Variants in SH3BGR observed in about 807,000 individuals in gnomAD.
SH3BGR encodes the protein SH3 domain binding glutamate rich protein.
Under a neutral mutation model 24.5 loss-of-function variants are expected in SH3BGR, and 29 were observed. The ratio of observed to expected loss-of-function variants is 1.18; its 90% CI spans 0.88 to 1.61. The LOEUF is 1.61. Ranked by LOEUF, SH3BGR falls within the 40% of genes most tolerant of loss-of-function variation. The pLI, the probability that SH3BGR is intolerant of heterozygous loss-of-function variation, is 0.00. For missense variants in SH3BGR, 162 were observed against 205.8 expected (o/e 0.79, Z 1.30); for synonymous variants, 55 against 65.7 (o/e 0.84, Z 0.79).
At chr21:39,479,859 G>A (rs142190133) in intron 3 of SH3BGR, among the ~76,000 whole-genome samples, 16 of 122,786 alleles carry the variant, frequency 1.3e-4, no homozygotes, top group Middle Eastern at 4.4e-3. Flanking sequence ...TTGAATTTCC[G>A]TAGACATTTT....
intron 2 of SH3BGR, among the ~76,000 whole-genome samples, chr21:39,468,613 AT>A (rs1394042343): frequency 6.6e-6 from 1 of 152,046 alleles, no homozygotes; most frequent in Admixed American, 6.6e-5. Flanking sequence ...TAAATTTTGT[AT>A]TTTTTGTAGA....
At position 39,510,453 on chromosome 21, in the gene SH3BGR, CACTGTAGCTACACACACACACACACA is replaced by C. The variant is rs1569178155; in HGVS notation, c.436-1226_436-1201del. ...CTACACACACACACACACACACACACACTGTAGCTACACACACACACACACACCCCATCAATTTCTGGTGAATACTC... is the reference window on the plus strand; with the variant it reads ...CTACACACACACACACACACACACACCCCCATCAATTTCTGGTGAATACTC... On this transcript the variant is annotated intron_variant, in intron 5 of 6. Coordinates refer to ENST00000333634, the MANE Select transcript of SH3BGR (RefSeq NM_007341.3). Among the ~76,000 whole-genome samples the C allele has an allele frequency of 2.4e-4, 25 of 103,666 alleles. 3 individuals carry two copies. Among genetic ancestry groups the C allele is most frequent in the African/African-American group, 9.7e-4 (25 of 25,822 alleles). 68.0% of individuals were successfully genotyped at this position (103,666 alleles called of 152,430 possible).
chr21:39,464,199 C>T (rs2077801854), intron 2 of SH3BGR, among the ~76,000 whole-genome samples: 1 of 152,144 alleles, frequency 6.6e-6, no homozygotes, highest in Non-Finnish European at 1.5e-5. Context: ...ATTACAACTA[C>T]AAAGATCCTA....
chr21:39,452,175 C>G (rs1555909748), intron 1 of SH3BGR, 34 bp downstream of exon 1: 4 of 1,613,406 alleles, frequency 2.5e-6, no homozygotes, highest in Non-Finnish European at 3.4e-6. Context: ...TTCCTATACT[C>G]TTTTCTGAAT....
chr21:39,495,258 A>G (rs1338870591), intron 3 of SH3BGR, among the ~76,000 whole-genome samples: 1 of 151,958 alleles, frequency 6.6e-6, no homozygotes, highest in African/African-American at 2.4e-5. Flanking sequence ...TATGTTAAGT[A>G]TTTTGGATGG....
chr21:39,502,431 G>A (rs1321140346), intron 4 of SH3BGR, among the ~76,000 whole-genome samples: 2 of 152,236 alleles, frequency 1.3e-5, no homozygotes, highest in Admixed American at 6.5e-5. Flanking sequence ...GCTCCTCTTG[G>A]CTTGCTGTGG....
intron 3 of SH3BGR, among the ~76,000 whole-genome samples, chr21:39,479,749 A>G (rs1159621384): frequency 6.6e-6 from 1 of 152,106 alleles, no homozygotes; most frequent in Admixed American, 6.6e-5. Context: ...GGGAAACTAA[A>G]TCTACTTCTT....
intron 3 of SH3BGR, among the ~76,000 whole-genome samples, chr21:39,476,308 G>A (rs2078027136): frequency 6.6e-6 from 1 of 152,162 alleles, no homozygotes; most frequent in African/African-American, 2.4e-5. Flanking sequence ...GATTGAGTCA[G>A]GTGAGGCCAT....
intron 2 of SH3BGR, among the ~76,000 whole-genome samples, chr21:39,471,114 T>C (rs1052614166): frequency 6.6e-6 from 1 of 152,180 alleles, no homozygotes; most frequent in Non-Finnish European, 1.5e-5. Context: ...CCATTCTGTC[T>C]CCTTTTCTTC....
chr21:39,511,692 G>A lies in SH3BGR; in HGVS notation c.448G>A (p.Ala150Thr). ...ETATEETEEIAMEGAEGEAEE... is the reference protein window; with the variant it reads ...ETATEETEEITMEGAEGEAEE... ...TTGTTAAAATAAGACGGAAGAAATA[G>A]CCATGGAGGGTGCGGAAGGGGAAGC... The change falls in exon 6 of 7, where the codon GCC (alanine) becomes ACC (threonine). Residue 150 changes from alanine (A) to threonine (T), a missense_variant. Physicochemically the swap from Ala to Thr is moderately conservative, Grantham distance 58. Coordinates refer to ENST00000333634, the MANE Select transcript of SH3BGR (RefSeq NM_007341.3). The surrounding 1 kb of genome is among the most constrained non-coding windows in gnomAD (Gnocchi z 4.2). 6.2e-7 allele frequency: 1 copy of A among 1,612,180 alleles called. No individual in the cohort carries two copies. The highest frequency in any genetic ancestry group is 8.5e-7 in the Non-Finnish European group (1 of 1,179,344).
At chr21:39,472,349 T>C (rs919394420) in intron 2 of SH3BGR, among the ~76,000 whole-genome samples, 2 of 152,148 alleles carry the variant, frequency 1.3e-5, no homozygotes, top group African/African-American at 4.8e-5. Flanking sequence ...CTCAAGCCTT[T>C]TTATAAATGT....
At chr21:39,454,533 AC>A (rs2077624372) in intron 1 of SH3BGR, among the ~76,000 whole-genome samples, 1 of 151,972 alleles carries the variant, frequency 6.6e-6, no homozygotes, top group African/African-American at 2.4e-5. Context: ...TTCTTCTAGG[AC>A]CCTCCTCTCT....
chr21:39,494,222 GTCTTCTTCC>G (rs1192109384), intron 3 of SH3BGR, among the ~76,000 whole-genome samples: 19 of 80,494 alleles, frequency 2.4e-4, no homozygotes, highest in East Asian at 1.2e-3. Flanking sequence ...CCATTGAACA[GTCTTCTTCC>G]TCTTCTTCTT....
At chr21:39,460,881 G>A (rs1179100714) in intron 1 of SH3BGR, among the ~76,000 whole-genome samples, 1 of 151,990 alleles carries the variant, frequency 6.6e-6, no homozygotes, top group Non-Finnish European at 1.5e-5. Context: ...TCGAACTCCT[G>A]GGCTCAAGCA....
At position 39,468,372 on chromosome 21, in the gene SH3BGR, A is replaced by T. The variant is rs563612769; in HGVS notation, c.231+5812A>T. Among the ~76,000 whole-genome samples the T allele has an allele frequency of 3.0e-4, 46 of 152,336 alleles. No individual in the cohort carries two copies. The Middle Eastern group carries it at 0.017, about 56-fold the overall frequency. ...CTATCCAGTTTAAGAAGGACAGTAT[A>T]CTATTACCAGAAATGTGGAAGCCCT... On this transcript the variant is annotated intron_variant, in intron 2 of 6. Coordinates refer to ENST00000333634, the MANE Select transcript of SH3BGR (RefSeq NM_007341.3).
chr21:39,475,280 G>A lies in SH3BGR; in HGVS notation c.312+65G>A, dbSNP rs144648200. ...ATACTAAATGAAGGTAGAAATCACCGCATCCAAGACTGTTTAATACATGAT... is the reference window on the plus strand; with the variant it reads ...ATACTAAATGAAGGTAGAAATCACCACATCCAAGACTGTTTAATACATGAT... On this transcript the variant is annotated intron_variant, in intron 3 of 6. Transcript: ENST00000333634. 6.6e-4 allele frequency: 642 copies of A among 971,894 alleles called. 4 individuals are homozygous for A. The highest frequency in any genetic ancestry group is 6.2e-3 in the African/African-American group (389 of 62,444). 60.2% of individuals were successfully genotyped at this position (971,894 alleles called of 1,614,324 possible). A position where few individuals can be genotyped will look rare whatever the true frequency, so the allele number is the denominator to read the frequency against.
upstream of SH3BGR, chr21:39,451,854 A>G: frequency 1.3e-6 from 2 of 1,582,792 alleles, no homozygotes; most frequent in Non-Finnish European, 1.7e-6. Context: ...CCAATCAAAT[A>G]TTTTCCTGAC....
At chr21:39,510,429 T>TACACAC (rs140320437) in intron 5 of SH3BGR, among the ~76,000 whole-genome samples, 3 of 105,602 alleles carry the variant, frequency 2.8e-5, no homozygotes, top group Admixed American at 1.8e-4. Context: ...ACACTGTAGC[T>TACACAC]ACACACACAC....
intron 4 of SH3BGR, among the ~76,000 whole-genome samples, chr21:39,502,690 C>T (rs533093360): frequency 1.4e-4 from 22 of 152,296 alleles, no homozygotes; most frequent in African/African-American, 4.6e-4. Context: ...ATCCTGGGGT[C>T]GTTAGTGGTG....
Sources: allele counts gnomAD v4.1 joint callset (sites outside exome capture counted in the v4.1 genomes callset), GRCh38; gene constraint gnomAD v4.1.1; non-coding constraint Gnocchi (gnomAD v3.1); transcripts MANE v1.5; gene names NCBI Gene and HGNC (gene_info 2026-07-23, HGNC 2026-07-21).